ME3: variants seen among roughly 807,000 people sequenced by gnomAD.
ME3 encodes the protein malic enzyme 3.
A neutral mutation model predicts 68.9 loss-of-function variants in ME3; 48 were observed. The observed-to-expected ratio is 0.70, with a 90% confidence interval of 0.55 to 0.89. ME3 has a LOEUF of 0.89. Among genes scored for constraint, ME3 ranks in the 40% least tolerant of loss-of-function variants. The pLI is 0.00. For synonymous variants in ME3, 320 were observed against 318.8 expected, an observed-to-expected ratio of 1.00 and a Z score of -0.04; for missense variants, 675 against 797.4, an observed-to-expected ratio of 0.85 and a Z score of 1.85.
intron 2 of ME3, among the ~76,000 whole-genome samples, chr11:86,665,605 A>G (rs1034988645): frequency 1.1e-4 from 16 of 152,158 alleles, no homozygotes; most frequent in African/African-American, 3.9e-4. Flanking sequence ...AAAGAGTGAC[A>G]TGTTGAAACT....
intron 8 of ME3, among the ~76,000 whole-genome samples, chr11:86,452,742 A>T (rs1028374914): frequency 6.6e-6 from 1 of 152,160 alleles, no homozygotes; most frequent in Non-Finnish European, 1.5e-5. Context: ...TCTCCTCCCT[A>T]TTATTTTATA....
chr11:86,557,719 G>A (rs1472204243), intron 3 of ME3, among the ~76,000 whole-genome samples: 3 of 152,086 alleles, frequency 2.0e-5, no homozygotes, highest in Admixed American at 2.0e-4. Context: ...TGATACTCAG[G>A]AAGAGCAAGG....
chr11:86,530,846 A>C (rs1179680835), intron 4 of ME3, among the ~76,000 whole-genome samples: 3 of 152,196 alleles, frequency 2.0e-5, no homozygotes, highest in Non-Finnish European at 2.9e-5. Flanking sequence ...ACAAAAATTA[A>C]TTGAAGATGG....
intron 10 of ME3, among the ~76,000 whole-genome samples, chr11:86,448,478 C>T (rs992221613): frequency 9.2e-5 from 14 of 152,166 alleles, no homozygotes; most frequent in Admixed American, 4.6e-4. Context: ...GTTTCTTTAA[C>T]CCAAACCACA....
intron 2 of ME3, among the ~76,000 whole-genome samples, chr11:86,604,619 C>T (rs1961338695): frequency 6.6e-6 from 1 of 152,078 alleles, no homozygotes. Flanking sequence ...AATAGCTTTA[C>T]ATAGGTTTAT....
chr11:86,487,369 C>A (rs748743895), exon 7 of ME3: 10 of 1,614,192 alleles, frequency 6.2e-6, no homozygotes, highest in Non-Finnish European at 8.5e-6. Flanking sequence ...ACTCATCCAG[C>A]AAGTCATCGT....
intron 5 of ME3, among the ~76,000 whole-genome samples, chr11:86,502,558 A>G (rs1164166559): frequency 6.6e-6 from 1 of 152,202 alleles, no homozygotes; most frequent in African/African-American, 2.4e-5. Context: ...AAGTTCAGAG[A>G]GAAGACACTG....
chr11:86,513,130 A>C (rs1953657097), intron 4 of ME3, among the ~76,000 whole-genome samples: 1 of 152,230 alleles, frequency 6.6e-6, no homozygotes, highest in Admixed American at 6.5e-5. Context: ...GTGAATACTT[A>C]AATTATCTGT....
chr11:86,448,696 T>C lies in ME3; in HGVS notation c.1132-441A>G, dbSNP rs1248781377. Among the ~76,000 whole-genome samples the C allele has an allele frequency of 2.0e-5, 3 of 152,188 alleles. No homozygotes were observed. The East Asian group carries it at 5.8e-4, about 29-fold the overall frequency. ...TGCTTATAAGAGCCATTAATTCCCCTGTCAATAATACTAAACTAAGCTCCA... is the reference window on the plus strand; with the variant it reads ...TGCTTATAAGAGCCATTAATTCCCCCGTCAATAATACTAAACTAAGCTCCA... On this transcript the variant is annotated intron_variant, in intron 10 of 14. Coordinates refer to ENST00000543262, the Ensembl canonical transcript of ME3.
At chr11:86,644,810 A>G (rs1250449852) in intron 2 of ME3, among the ~76,000 whole-genome samples, 3 of 152,170 alleles carry the variant, frequency 2.0e-5, no homozygotes, top group South Asian at 2.1e-4. Flanking sequence ...GCAGCTCCCA[A>G]TGAGACCAAC....
chr11:86,436,517 A>G (rs2138562698), downstream of ME3: 1 of 152,210 alleles, frequency 6.6e-6, no homozygotes, highest in South Asian at 2.1e-4. Flanking sequence ...ATTTTGATGA[A>G]GTACAATTTA....
intron 13 of ME3, 90 bp downstream of exon 13, chr11:86,446,224 G>T: frequency 6.9e-7 from 1 of 1,450,160 alleles, no homozygotes; most frequent in Non-Finnish European, 9.5e-7. Flanking sequence ...GGGGCAGATG[G>T]GCAGAAGAGA....
chr11:86,571,642 G>A (rs545663851), intron 2 of ME3, among the ~76,000 whole-genome samples: 1 of 152,250 alleles, frequency 6.6e-6, no homozygotes, highest in African/African-American at 2.4e-5. Flanking sequence ...CCCACATGGC[G>A]GATCACTCCC....
intron 2 of ME3, among the ~76,000 whole-genome samples, chr11:86,626,653 T>C (rs1048714419): frequency 6.6e-6 from 1 of 152,224 alleles, no homozygotes; most frequent in Non-Finnish European, 1.5e-5. Context: ...AAGGGCCAGA[T>C]AGTAAATATT....
chr11:86,631,925 G>A (rs954029154), intron 2 of ME3, among the ~76,000 whole-genome samples: 14 of 152,024 alleles, frequency 9.2e-5, no homozygotes, highest in Non-Finnish European at 1.9e-4. Context: ...GAGAGAGAGG[G>A]TTTCATCATG....
Position 86,628,124 on chromosome 11 carries a change from TGA to T in ME3, c.183+43636_183+43637del, listed in dbSNP as rs549408472. ...TCTTTTGGGTGCTGGCATCTCAAAC[TGA>T]GAGAACTTATAATCTATCTGGAGAG... On this transcript the variant is annotated intron_variant, in intron 2 of 14. Transcript: ENST00000543262. Among the ~76,000 whole-genome samples, 32 of 152,334 alleles carry T rather than the reference TGA, an allele frequency of 2.1e-4. No homozygotes were observed. The South Asian group carries it at 4.1e-3, about 20-fold the overall frequency.
At chr11:86,435,260 T>C in the ME3 span, 69 of 152,308 alleles carry the variant, frequency 4.5e-4, no homozygotes, top group African/African-American at 1.6e-3. Context: ...CTCTAGAGAC[T>C]TCCACTTCTA....
chr11:86,628,489 T>A (rs1455623383), intron 2 of ME3, among the ~76,000 whole-genome samples: 4 of 152,232 alleles, frequency 2.6e-5, no homozygotes, highest in African/African-American at 9.6e-5. Context: ...CTAGACCGAT[T>A]TGTTCAGAAT....
intron 2 of ME3, among the ~76,000 whole-genome samples, chr11:86,655,236 G>A (rs1945778273): frequency 6.6e-6 from 1 of 151,942 alleles, no homozygotes; most frequent in Non-Finnish European, 1.5e-5. Flanking sequence ...TCACAGAATT[G>A]GAAAAAACTA....
Sources: allele counts gnomAD v4.1 joint callset (sites outside exome capture counted in the v4.1 genomes callset), GRCh38; gene constraint gnomAD v4.1.1; transcripts MANE v1.5; gene names NCBI Gene and HGNC (gene_info 2026-07-23, HGNC 2026-07-21).